Variants in PXDNL observed in about 807,000 individuals in gnomAD.
PXDNL encodes the protein peroxidasin like.
Under a neutral mutation model 150.8 loss-of-function variants are expected in PXDNL, and 145 were observed. The ratio of observed to expected loss-of-function variants is 0.96; its 90% CI spans 0.84 to 1.10. PXDNL has a LOEUF of 1.10. Ranked by LOEUF, PXDNL falls within the 50% of genes least tolerant of loss-of-function variation. The probability of loss-of-function intolerance (pLI) is 0.00; values close to 1 mark genes in which losing one functional copy is unlikely to be tolerated. For synonymous variants in PXDNL, 757 were observed against 725.7 expected (o/e 1.04, Z -0.69); for missense variants, 2,087 against 1,873.9 (o/e 1.11, Z -2.10).
chr8:51,370,877 G>A (rs1014561770), intron 19 of PXDNL, among the ~76,000 whole-genome samples: 6 of 152,234 alleles, frequency 3.9e-5, no homozygotes, highest in Non-Finnish European at 5.9e-5. Context: ...GATTACAGGC[G>A]TGAGCCTCCG....
intron 2 of PXDNL, among the ~76,000 whole-genome samples, chr8:51,651,422 T>C (rs981949903): frequency 2.0e-5 from 3 of 152,162 alleles, no homozygotes; most frequent in African/African-American, 2.4e-5. Context: ...TCAGAGGAAA[T>C]GTTAGTAAAC....
chr8:51,545,764 G>A (rs112830940), intron 4 of PXDNL, among the ~76,000 whole-genome samples: 1 of 152,174 alleles, frequency 6.6e-6, no homozygotes, highest in Non-Finnish European at 1.5e-5. Flanking sequence ...TGAGGGCACG[G>A]TCTTCTTGGT....
chr8:51,536,320 G>GT (rs1309118659), intron 4 of PXDNL, among the ~76,000 whole-genome samples: 1 of 152,198 alleles, frequency 6.6e-6, no homozygotes, highest in Non-Finnish European at 1.5e-5. Context: ...ATGAGGCCTT[G>GT]TTTTTTTCTT....
intron 4 of PXDNL, among the ~76,000 whole-genome samples, chr8:51,534,812 G>A (rs867058099): frequency 2.1e-3 from 208 of 100,778 alleles, no homozygotes; most frequent in African/African-American, 6.8e-3. Context: ...TCAGCCCCCC[G>A]CCCGGCCAGC....
At chr8:51,668,844 G>C (rs895220085) in intron 1 of PXDNL, among the ~76,000 whole-genome samples, 2 of 152,094 alleles carry the variant, frequency 1.3e-5, no homozygotes, top group Admixed American at 1.3e-4. Context: ...AGAAATATTA[G>C]CTAGTCAGAA....
chr8:51,493,617 A>T (rs149012805), intron 5 of PXDNL, among the ~76,000 whole-genome samples: 1 of 152,230 alleles, frequency 6.6e-6, no homozygotes, highest in South Asian at 2.1e-4. Flanking sequence ...CCAAGGCACA[A>T]GAACTACATG....
chr8:51,696,689 AG>A (rs1563510000), intron 1 of PXDNL, among the ~76,000 whole-genome samples: 3 of 149,062 alleles, frequency 2.0e-5, no homozygotes, highest in African/African-American at 2.5e-5. Flanking sequence ...CCACACACAC[AG>A]GTCCACACAC....
chr8:51,719,097 C>G (rs1045025150), intron 1 of PXDNL, among the ~76,000 whole-genome samples: 39 of 152,096 alleles, frequency 2.6e-4, no homozygotes, highest in African/African-American at 8.7e-4. Context: ...TCTGCCCGGC[C>G]GCCCCTTCTA....
At chr8:51,620,629 C>G (rs1057439188) in intron 2 of PXDNL, among the ~76,000 whole-genome samples, 1 of 151,952 alleles carries the variant, frequency 6.6e-6, no homozygotes, top group African/African-American at 2.4e-5. Flanking sequence ...CTGCAACCTC[C>G]GCCTCCCAGG....
At chr8:51,615,285 A>C (rs1168947950) in intron 2 of PXDNL, among the ~76,000 whole-genome samples, 1 of 151,928 alleles carries the variant, frequency 6.6e-6, no homozygotes, top group Non-Finnish European at 1.5e-5. Context: ...TTCTCAGTCA[A>C]CCTAAGAAGC....
intron 2 of PXDNL, among the ~76,000 whole-genome samples, chr8:51,622,478 C>T (rs191776821): frequency 4.6e-5 from 7 of 152,258 alleles, no homozygotes; most frequent in Admixed American, 4.6e-4. Flanking sequence ...TGAAAATCTG[C>T]AATGCAACAA....
chr8:51,478,373 A>G (rs1810527815), intron 6 of PXDNL, among the ~76,000 whole-genome samples: 1 of 152,240 alleles, frequency 6.6e-6, no homozygotes, highest in Admixed American at 6.5e-5. Flanking sequence ...CACTTGGAAT[A>G]TATTCTCTGC....
chr8:51,661,278 C>T (rs928086440), intron 1 of PXDNL, among the ~76,000 whole-genome samples: 8 of 152,140 alleles, frequency 5.3e-5, no homozygotes, highest in Non-Finnish European at 7.3e-5. Context: ...GGCCATCTTC[C>T]GCTGTTGATT....
chr8:51,576,461 A>C (rs1212273581), intron 3 of PXDNL, among the ~76,000 whole-genome samples: 2 of 151,904 alleles, frequency 1.3e-5, no homozygotes, highest in African/African-American at 4.8e-5. Context: ...AGCTAAAAAA[A>C]AATCGGACTA....
intron 1 of PXDNL, chr8:51,722,006 T>G (rs991120767): frequency 2.9e-5 from 6 of 209,546 alleles, no homozygotes; most frequent in Non-Finnish European, 6.0e-5. Context: ...AGATAGTGTT[T>G]ACCCCTAACT....
chr8:51,696,306 G>T (rs28421737), intron 1 of PXDNL, among the ~76,000 whole-genome samples: 1 of 152,190 alleles, frequency 6.6e-6, no homozygotes, highest in East Asian at 1.9e-4. Flanking sequence ...AACTATTGCC[G>T]TTATAAGAAG....
intron 4 of PXDNL, among the ~76,000 whole-genome samples, chr8:51,534,460 C>T (rs1225245574): frequency 4.0e-5 from 4 of 98,880 alleles, no homozygotes; most frequent in Non-Finnish European, 5.7e-5. Flanking sequence ...CCCGGCCAGC[C>T]GCCCCGTCCG....
chr8:51,415,180 TG>T (rs1435679203), intron 14 of PXDNL, among the ~76,000 whole-genome samples: 14 of 152,328 alleles, frequency 9.2e-5, no homozygotes, highest in African/African-American at 2.9e-4. Flanking sequence ...AGGGTATGTA[TG>T]AGAATGTTTA....
chr8:51,594,623 G>C (rs1443685648), intron 2 of PXDNL, among the ~76,000 whole-genome samples: 1 of 152,100 alleles, frequency 6.6e-6, no homozygotes, highest in African/African-American at 2.4e-5. Context: ...TTGTTTTCTT[G>C]AGAATTTTTT....
Sources: allele counts gnomAD v4.1 joint callset (sites outside exome capture counted in the v4.1 genomes callset), GRCh38; gene constraint gnomAD v4.1.1; transcripts MANE v1.5; gene names NCBI Gene and HGNC (gene_info 2026-07-23, HGNC 2026-07-21).